RGS6: variants seen among roughly 807,000 people sequenced by gnomAD.
RGS6 encodes the protein regulator of G-protein signaling 6.
Under a neutral mutation model 78.5 loss-of-function variants are expected in RGS6, and 30 were observed. That is an observed-to-expected ratio of 0.38 (90% CI 0.29 to 0.52). The LOEUF is 0.52. RGS6 is among the 20% of genes least tolerant of loss of function. The pLI is 0.85. For missense variants in RGS6, 495 were observed against 609.7 expected (o/e 0.81, Z 1.98); for synonymous variants, 206 against 206.0 (o/e 1.00, Z 0.00).
intron 2 of RGS6, among the ~76,000 whole-genome samples, chr14:72,169,600 T>C (rs1396973592): frequency 6.6e-6 from 1 of 152,224 alleles, no homozygotes; most frequent in Non-Finnish European, 1.5e-5. Flanking sequence ...GAAATCTCTT[T>C]AGTTTATTGT....
rs555743698 is a variant in RGS6, at chr14:72,282,757, T to A, written c.85-69338T>A. 1.3e-5 allele frequency among the ~76,000 whole-genome samples: 2 copies of A among 152,236 alleles called. 1 individual carries two copies. The highest frequency in any genetic ancestry group is 4.1e-4 in the South Asian group (2 of 4,820). The stretch of plus-strand genomic sequence containing the variant: ...GAAGTTTCCTTGTGCCCCCTTGTTG[T>A]TTTTGTTTGTTTGTGTGGTAGAACA... On this transcript the variant is annotated intron_variant, in intron 2 of 17. Coordinates refer to ENST00000553525, the MANE Select transcript of RGS6 (RefSeq NM_001204424.2).
intron 3 of RGS6, among the ~76,000 whole-genome samples, chr14:72,452,678 C>T (rs936301507): frequency 4.1e-4 from 63 of 152,212 alleles, no homozygotes; most frequent in African/African-American, 1.4e-3. Context: ...CTCAGACCCA[C>T]GGTAGGACTC....
chr14:72,014,262 A>G (rs2086486366), intron 2 of RGS6, among the ~76,000 whole-genome samples: 2 of 152,250 alleles, frequency 1.3e-5, no homozygotes, highest in Non-Finnish European at 2.9e-5. Context: ...CTGCTGCTGA[A>G]TTAAAAAAGT....
At chr14:72,194,554 G>T (rs1273450695) in intron 2 of RGS6, among the ~76,000 whole-genome samples, 1 of 152,044 alleles carries the variant, frequency 6.6e-6, no homozygotes, top group South Asian at 2.1e-4. Flanking sequence ...TAGAGACAGG[G>T]TCTCACTATG....
At chr14:72,215,527 G>C (rs992570385) in intron 2 of RGS6, among the ~76,000 whole-genome samples, 2 of 152,166 alleles carry the variant, frequency 1.3e-5, no homozygotes, top group Non-Finnish European at 2.9e-5. Flanking sequence ...AAAGAGGCAG[G>C]GTCATTTATA....
At chr14:72,462,518 G>A (rs17116098) in intron 6 of RGS6, among the ~76,000 whole-genome samples, 6,944 of 152,208 alleles carry the variant, frequency 0.046, 522 homozygotes, top group African/African-American at 0.16. Context: ...TAAGTGGACT[G>A]TGGAAGATTA....
At chr14:72,242,101 G>C (rs973607441) in intron 2 of RGS6, among the ~76,000 whole-genome samples, 1 of 152,150 alleles carries the variant, frequency 6.6e-6, no homozygotes, top group Non-Finnish European at 1.5e-5. Context: ...ACTGACAGTA[G>C]CCATATTAAC....
chr14:72,391,412 T>G (rs1272008361), intron 3 of RGS6, among the ~76,000 whole-genome samples: 1 of 152,214 alleles, frequency 6.6e-6, no homozygotes, highest in Non-Finnish European at 1.5e-5. Context: ...GTTAGTAATT[T>G]CTCACCTCTC....
chr14:71,927,438 A>G (rs1220439671), upstream of RGS6, among the ~76,000 whole-genome samples: 7 of 152,136 alleles, frequency 4.6e-5, no homozygotes, highest in Non-Finnish European at 7.3e-5. Context: ...CATTGCAAAG[A>G]GAAAAAAAAA....
intron 2 of RGS6, among the ~76,000 whole-genome samples, chr14:72,104,395 C>T (rs2095590638): frequency 6.6e-6 from 1 of 152,118 alleles, no homozygotes; most frequent in South Asian, 2.1e-4. Flanking sequence ...TATTATGTTA[C>T]TTAAATATGT....
At chr14:72,214,268 C>T (rs561739195) in intron 2 of RGS6, among the ~76,000 whole-genome samples, 1 of 151,550 alleles carries the variant, frequency 6.6e-6, no homozygotes, top group East Asian at 1.9e-4. Context: ...CCTCTGCTTC[C>T]TGGGCTCAAG....
intron 2 of RGS6, among the ~76,000 whole-genome samples, chr14:72,220,258 C>T (rs2046548866): frequency 6.6e-6 from 1 of 152,144 alleles, no homozygotes; most frequent in African/African-American, 2.4e-5. Flanking sequence ...AAACATTCCA[C>T]ATGAATTTTT....
At chr14:72,611,092 C>G in the RGS6 span, among the ~76,000 whole-genome samples, 1 of 152,164 alleles carries the variant, frequency 6.6e-6, no homozygotes, top group East Asian at 1.9e-4. Context: ...ATCCAGGGCC[C>G]CAGAGGAGCC....
intron 2 of RGS6, among the ~76,000 whole-genome samples, chr14:71,983,593 T>C (rs2094555885): frequency 6.6e-6 from 1 of 152,214 alleles, no homozygotes; most frequent in South Asian, 2.1e-4. Flanking sequence ...CTGGAGATCC[T>C]TGGTGTTCCT....
In RGS6 at chr14:72,562,775, C is replaced by G. The variant is rs778623514; in HGVS notation, c.*308C>G. 6.6e-7 allele frequency: 1 copy of G among 1,520,078 alleles called. No homozygotes were observed. Among genetic ancestry groups the G allele is most frequent in the Non-Finnish European group, 8.8e-7 (1 of 1,132,380 alleles). The allele number at this position is 1,520,078 out of a possible 1,614,324, so 94.2% of individuals were successfully genotyped here. ...ATCCCAGCTCATTCAGGGGAGAACA[C>G]GTCGTGGGGTTCCTGTCACGACTAT... On this transcript the variant is annotated 3_prime_UTR_variant, in exon 18 of 18. Coordinates refer to ENST00000553525, the MANE Select transcript of RGS6 (RefSeq NM_001204424.2).
chr14:72,134,740 C>A (rs1442392871), intron 2 of RGS6, among the ~76,000 whole-genome samples: 1 of 152,174 alleles, frequency 6.6e-6, no homozygotes, highest in Non-Finnish European at 1.5e-5. Flanking sequence ...GGCCTGAGAA[C>A]CAGGGGAGTT....
At chr14:72,368,255 C>G (rs1038611424) in intron 3 of RGS6, among the ~76,000 whole-genome samples, 4 of 152,134 alleles carry the variant, frequency 2.6e-5, no homozygotes, top group African/African-American at 9.7e-5. Context: ...TGGGAACCCA[C>G]TCCTTGGATA....
intron 2 of RGS6, among the ~76,000 whole-genome samples, chr14:72,284,364 C>T (rs1595292277): frequency 6.6e-6 from 1 of 152,162 alleles, no homozygotes; most frequent in East Asian, 1.9e-4. Context: ...AAATGGCCCC[C>T]CCACCTGCTA....
rs192488651 is a variant in RGS6 at position 72,376,012 on chromosome 14, A to G, written c.184+23818A>G. Reference sequence around the variant, plus strand: ...GAACACAATAATTCCCTAGTAATAAACCCCAATCATAAGGAAATAAATGAA... The same window carrying G: ...GAACACAATAATTCCCTAGTAATAAGCCCCAATCATAAGGAAATAAATGAA... On this transcript the variant is annotated intron_variant, in intron 3 of 17. Coordinates refer to ENST00000553525, the MANE Select transcript of RGS6 (RefSeq NM_001204424.2). 9.8e-5 allele frequency among the ~76,000 whole-genome samples: 15 copies of G among 152,316 alleles called. No individual in the cohort carries two copies. The East Asian group carries it at 2.5e-3, about 25-fold the overall frequency.
Sources: gnomAD v4.1 joint callset for allele counts (sites outside exome capture counted in the v4.1 genomes callset) on GRCh38, gnomAD v4.1.1 for gene constraint, MANE v1.5 for transcripts, NCBI Gene and HGNC (gene_info 2026-07-23, HGNC 2026-07-21) for gene names.